LPCAT4: variants seen among roughly 807,000 people sequenced by gnomAD.
LPCAT4 encodes the protein lysophospholipid acyltransferase LPCAT4.
A neutral mutation model predicts 66.5 loss-of-function variants in LPCAT4; 30 were observed. The ratio of observed to expected loss-of-function variants is 0.45; its 90% CI spans 0.34 to 0.61. The LOEUF (loss-of-function observed/expected upper bound fraction) is 0.61, where lower values mean the gene tolerates loss of function less well. Among genes scored for constraint, LPCAT4 ranks in the 20% least tolerant of loss-of-function variants. LPCAT4 has a pLI of 0.01. For missense variants in LPCAT4, 557 were observed against 656.7 expected, an observed-to-expected ratio of 0.85 and a Z score of 1.66; for synonymous variants, 253 against 262.1, an observed-to-expected ratio of 0.97 and a Z score of 0.34.
Position 34,361,422 on chromosome 15 carries a change from C to G in LPCAT4, c.1121G>C (p.Gly374Ala). ...LQLSDPQTVA[G>A]AFGYFQQDTK... ...TACCTGCTGGAAGTAGCCAAAGGCA[C>G]CAGCCACCGTCTGAGGATCAGAGAG... The change falls in exon 11 of 14, where the codon GGT becomes GCT. Residue 374 changes from glycine to alanine, a missense_variant. Physicochemically the swap from Gly to Ala is moderately conservative, Grantham distance 60 (BLOSUM62 0). Coordinates refer to ENST00000314891, the MANE Select transcript of LPCAT4 (RefSeq NM_153613.3). The G allele has an allele frequency of 6.2e-7, 1 of 1,614,214 alleles. No individual in the cohort carries two copies. Among genetic ancestry groups the G allele is most frequent in the East Asian group, 2.2e-5 (1 of 44,886 alleles).
intron 1 of LPCAT4, 151 bp downstream of exon 1, chr15:34,366,836 C>A: frequency 1.7e-6 from 2 of 1,203,616 alleles, no homozygotes; most frequent in Non-Finnish European, 2.3e-6. Context: ...CAACCGCGGC[C>A]GCCCCCACGT....
intron 7 of LPCAT4, 53 bp from the exon 8 acceptor site, chr15:34,362,889 C>T: frequency 1.3e-6 from 2 of 1,581,970 alleles, no homozygotes; most frequent in East Asian, 2.3e-5. Context: ...GGGCTCCTTC[C>T]CTGGCTCCCA....
chr15:34,363,949 A>G lies in LPCAT4; in HGVS notation c.652+64T>C, dbSNP rs901320379. On this transcript the variant is annotated intron_variant, in intron 5 of 13. Coordinates refer to ENST00000314891, the MANE Select transcript of LPCAT4 (RefSeq NM_153613.3). The surrounding 1 kb of genome is among the most constrained non-coding windows in gnomAD (Gnocchi z 4.3). ...TCTTCTACTTCTTGGGTTATTTCAG[A>G]GTCCCTCCCCAAATCTGGAACTTCT... 2.0e-6 allele frequency: 3 copies of G among 1,529,540 alleles called. No homozygotes were observed. Among genetic ancestry groups the G allele is most frequent in the African/African-American group, 2.7e-5 (2 of 72,862 alleles). The allele number at this position is 1,529,540 out of a possible 1,614,324, so 94.7% of individuals were successfully genotyped here.
At chr15:34,361,589 T>C (rs1162098905) in intron 10 of LPCAT4, 57 bp from the exon 11 acceptor site, 9 of 1,602,440 alleles carry the variant, frequency 5.6e-6, no homozygotes, top group Non-Finnish European at 7.6e-6. Flanking sequence ...GGACACACCA[T>C]CAGCAGGACT....
chr15:34,365,497 AG>A lies in LPCAT4; in HGVS notation c.257+61del. On this transcript the variant is annotated intron_variant, in intron 2 of 13. Coordinates refer to ENST00000314891, the MANE Select transcript of LPCAT4 (RefSeq NM_153613.3). Reference sequence around the variant, plus strand: ...ATGCTCTCTTTTCTTCTTCTCAAAGAGGGAGCCGAATAGACAGCAGGGAAGA... The same window carrying A: ...ATGCTCTCTTTTCTTCTTCTCAAAGAGGAGCCGAATAGACAGCAGGGAAGA... 5 of 1,600,754 alleles carry A rather than the reference AG, an allele frequency of 3.1e-6. No homozygotes were observed. The South Asian group carries it at 5.5e-5, about 18-fold the overall frequency.
chr15:34,362,562 G>A lies in LPCAT4; in HGVS notation c.884+11C>T. On this transcript the variant is annotated intron_variant, in intron 9 of 13. Coordinates refer to ENST00000314891, the MANE Select transcript of LPCAT4 (RefSeq NM_153613.3). Reference sequence around the variant, plus strand: ...GCAACTGCTCCAGGAAATAGTTTGTGGGGCACTCACTGTGCCATGACCCTC... The same window carrying A: ...GCAACTGCTCCAGGAAATAGTTTGTAGGGCACTCACTGTGCCATGACCCTC... The A allele has an allele frequency of 6.5e-7, 1 of 1,538,032 alleles. No homozygotes were observed. Among genetic ancestry groups the A allele is most frequent in the Non-Finnish European group, 8.8e-7 (1 of 1,141,384 alleles).
chr15:34,366,924 G>A, intron 1 of LPCAT4, 63 bp downstream of exon 1: 2 of 1,529,526 alleles, frequency 1.3e-6, no homozygotes, highest in Non-Finnish European at 8.8e-7. Flanking sequence ...CTTTGCCAGG[G>A]CTCAAATGGC....
In LPCAT4 at chr15:34,361,394, C is replaced by G. The variant is rs1008754328; in HGVS notation, c.1143+6G>C. On this transcript the variant is annotated splice_donor_region_variant and intron_variant, in intron 11 of 13. Coordinates refer to ENST00000314891, the MANE Select transcript of LPCAT4 (RefSeq NM_153613.3). ...TCTGCTCTGCTCTTTGTTCCAGCTC[C>G]TTTACCTGCTGGAAGTAGCCAAAGG... is the stretch of plus-strand genomic sequence containing the variant. The G allele has an allele frequency of 6.2e-6, 10 of 1,614,048 alleles. No individual in the cohort carries two copies. The highest frequency in any genetic ancestry group is 8.5e-6 in the Non-Finnish European group (10 of 1,180,028).
chr15:34,366,364 T>C (rs765326122), intron 1 of LPCAT4, among the ~76,000 whole-genome samples: 3 of 152,054 alleles, frequency 2.0e-5, no homozygotes, highest in Non-Finnish European at 2.9e-5. Context: ...GGGGAGGTGA[T>C]GACAGCAGAA....
rs759481835 is a variant in LPCAT4 at position 34,362,292 on chromosome 15, T to C, written c.914A>G (p.Glu305Gly). 2 of 1,613,924 alleles carry C rather than the reference T, an allele frequency of 1.2e-6. No individual in the cohort carries two copies. Among genetic ancestry groups the C allele is most frequent in the Non-Finnish European group, 1.7e-6 (2 of 1,179,998 alleles). ...AATCACAGGTAAGCTCCCTACAAAC[T>C]CACATTCGGTGGCTGGAATGCCCAG... is the stretch of plus-strand genomic sequence containing the variant. ...QALGIPATEC[E>G]FVGSLPVIVV... is the part of the protein sequence containing the mutation. The change falls in exon 10 of 14, where the codon GAG becomes GGG. Residue 305 changes from glutamate (E) to glycine (G), a missense_variant. By Grantham distance (98) the Glu-to-Gly change is moderately conservative. Coordinates refer to ENST00000314891, the MANE Select transcript of LPCAT4 (RefSeq NM_153613.3).
chr15:34,366,845 G>A lies in LPCAT4; in HGVS notation c.114+142C>T. The A allele has an allele frequency of 3.0e-6, 4 of 1,321,600 alleles. No homozygotes were observed. In the South Asian group the frequency reaches 4.0e-5, roughly 13 times the overall value. The allele number at this position is 1,321,600 out of a possible 1,614,324, so 81.9% of individuals were successfully genotyped here. A position where few individuals can be genotyped will look rare whatever the true frequency, so the allele number is the denominator to read the frequency against. Reference sequence around the variant, plus strand: ...CTTGCCCAACCGCGGCCGCCCCCACGTGCGCACCCCCGGACTCCCGCTCCG... The same window carrying A: ...CTTGCCCAACCGCGGCCGCCCCCACATGCGCACCCCCGGACTCCCGCTCCG... On this transcript the variant is annotated intron_variant, in intron 1 of 13. Transcript: ENST00000314891.
chr15:34,361,278 C>A, intron 11 of LPCAT4, 122 bp downstream of exon 11: 1 of 1,517,014 alleles, frequency 6.6e-7, no homozygotes, highest in Admixed American at 2.1e-5. Context: ...GGCCATCTAA[C>A]AACAGCTGTG....
chr15:34,360,527 G>A (rs554301906), intron 11 of LPCAT4, among the ~76,000 whole-genome samples: 1 of 152,362 alleles, frequency 6.6e-6, no homozygotes, highest in Admixed American at 6.5e-5. Flanking sequence ...TGGTCCCCAG[G>A]CTAGACAAAC....
intron 1 of LPCAT4, 95 bp from the exon 2 acceptor site, chr15:34,365,796 C>A: frequency 1.4e-6 from 2 of 1,428,246 alleles, no homozygotes; most frequent in Non-Finnish European, 1.9e-6. Flanking sequence ...GAGCAGACAG[C>A]CATCATCCCT....
intron 11 of LPCAT4, 194 bp downstream of exon 11, chr15:34,361,206 A>T (rs552164664): frequency 2.1e-6 from 3 of 1,461,898 alleles, no homozygotes; most frequent in Non-Finnish European, 2.7e-6. Flanking sequence ...TGATGATAAC[A>T]TTGCTCTTCA....
Position 34,365,254 on chromosome 15 carries a change from C to G in LPCAT4, c.258-26G>C, listed in dbSNP as rs1470145522. The stretch of plus-strand genomic sequence containing the variant: ...CTGCCAGGGCAAGGCTGGGTATCAG[C>G]GGAAGCAGTGGTTCTAACCCTCACC... On this transcript the variant is annotated intron_variant, in intron 2 of 13. Coordinates refer to ENST00000314891, the MANE Select transcript of LPCAT4 (RefSeq NM_153613.3). 7 of 1,580,538 alleles carry G rather than the reference C, an allele frequency of 4.4e-6. No homozygotes were observed. The South Asian group carries it at 8.0e-5, about 18-fold the overall frequency.
chr15:34,363,331 C>A lies in LPCAT4; in HGVS notation c.746+91G>T. On this transcript the variant is annotated intron_variant, in intron 7 of 13. Transcript: ENST00000314891. The surrounding 1 kb of genome is among the most constrained non-coding windows in gnomAD (Gnocchi z 4.3). ...TCTCAGTCCTCAGATGAAGAAGGGCCATTCACCTTGTCGGGAGATTGGAAG... is the reference window on the plus strand; with the variant it reads ...TCTCAGTCCTCAGATGAAGAAGGGCAATTCACCTTGTCGGGAGATTGGAAG... 1 of 1,367,612 alleles carries A rather than the reference C, an allele frequency of 7.3e-7. No individual in the cohort carries two copies. The highest frequency in any genetic ancestry group is 1.0e-6 in the Non-Finnish European group (1 of 978,540). 84.7% of individuals were successfully genotyped at this position (1,367,612 alleles called of 1,614,324 possible).
rs772360205 is a variant in LPCAT4 at position 34,365,163 on chromosome 15, C to T, written c.323G>A (p.Arg108Gln). 1.1e-5 allele frequency: 17 copies of T among 1,614,030 alleles called. No homozygotes were observed. Among genetic ancestry groups the T allele is most frequent in the African/African-American group, 5.3e-5 (4 of 74,924 alleles). The change falls in exon 3 of 14, where the codon CGG becomes CAG. Residue 108 changes from arginine (R) to glutamine (Q), a missense_variant. Arg to Gln is a conservative substitution (Grantham distance 43). Coordinates refer to ENST00000314891, the MANE Select transcript of LPCAT4 (RefSeq NM_153613.3). Reference protein sequence around the residue: ...RLLFFLLGFLRIRVRGQRASR... With the variant: ...RLLFFLLGFLQIRVRGQRASR... ...GGCTCGCTGGCCACGAACGCGAATC[C>T]GGAGGAAGCCCAGCAGGAAAAACAG... is the stretch of plus-strand genomic sequence containing the variant.
At chr15:34,364,432 T>C (rs537776190) in intron 3 of LPCAT4, 126 bp from the exon 4 acceptor site, 49 of 611,744 alleles carry the variant, frequency 8.0e-5, no homozygotes, top group Middle Eastern at 9.0e-4. Flanking sequence ...TTTTCTGTTG[T>C]TGTTGTTTGA....
Sources: allele counts gnomAD v4.1 joint callset (sites outside exome capture counted in the v4.1 genomes callset), GRCh38; gene constraint gnomAD v4.1.1; non-coding constraint Gnocchi (gnomAD v3.1); transcripts MANE v1.5; gene names NCBI Gene and HGNC (gene_info 2026-07-23, HGNC 2026-07-21).